The following NUDCD3 variants were observed in gnomAD, a reference collection of about 807,000 sequenced individuals.
The protein encoded by NUDCD3 is NudC domain containing 3.
NUDCD3 carries 13 observed loss-of-function variants against 39.7 expected under a neutral mutation model. The observed-to-expected ratio is 0.33, with a 90% CI of 0.21 to 0.52. NUDCD3 has a LOEUF of 0.52. NUDCD3 is among the 20% of genes least tolerant of loss of function. NUDCD3 has a pLI of 0.96. For synonymous variants in NUDCD3, 175 were observed against 172.4 expected (o/e 1.02, Z -0.12); for missense variants, 453 against 458.1 (o/e 0.99, Z 0.10).
intron 2 of NUDCD3, among the ~76,000 whole-genome samples, chr7:44,462,937 C>T (rs1765343762): frequency 7.0e-6 from 1 of 143,776 alleles, no homozygotes; most frequent in South Asian, 2.3e-4. Context: ...AATCAAGACA[C>T]AACCAGGCTG....
chr7:44,487,883 G>A (rs1800645903), intron 1 of NUDCD3, among the ~76,000 whole-genome samples: 1 of 151,948 alleles, frequency 6.6e-6, no homozygotes, highest in Non-Finnish European at 1.5e-5. Context: ...GAACCTGGGA[G>A]GAGGAGGTGC....
chr7:44,426,770 T>A (rs1585071023), intron 3 of NUDCD3, among the ~76,000 whole-genome samples: 1 of 132,484 alleles, frequency 7.5e-6, no homozygotes. Context: ...CACTCCAGCC[T>A]GGGCGACAGA....
At chr7:44,477,046 G>A (rs181404737) in intron 2 of NUDCD3, among the ~76,000 whole-genome samples, 228 of 152,242 alleles carry the variant, frequency 1.5e-3, no homozygotes, top group African/African-American at 4.9e-3. Context: ...AAGAAGCACC[G>A]AGGTCCCTGT....
intron 3 of NUDCD3, among the ~76,000 whole-genome samples, chr7:44,417,632 AC>A (rs1400167526): frequency 6.6e-6 from 1 of 152,214 alleles, no homozygotes; most frequent in African/African-American, 2.4e-5. Flanking sequence ...TTATTCAACT[AC>A]ATACACGGCA....
rs944497551 is a variant in NUDCD3, at chr7:44,382,689, C to T, written c.*3322G>A. 1.3e-5 allele frequency: 2 copies of T among 152,334 alleles called. No individual in the cohort carries two copies. Among genetic ancestry groups the T allele is most frequent in the Non-Finnish European group, 2.9e-5 (2 of 68,118 alleles). 9.4% of individuals were successfully genotyped at this position (152,334 alleles called of 1,614,324 possible). On this transcript the variant is annotated 3_prime_UTR_variant, in exon 6 of 6. Coordinates refer to ENST00000355451, the MANE Select transcript of NUDCD3 (RefSeq NM_015332.4). ...GAGTTTCTCAAGGACTGGCCAGGTT[C>T]TGTGCTGACAACTTCGTGCTTTTCA...
At chr7:44,473,602 T>C (rs183320919) in intron 2 of NUDCD3, among the ~76,000 whole-genome samples, 1 of 152,162 alleles carries the variant, frequency 6.6e-6, no homozygotes, top group Non-Finnish European at 1.5e-5. Flanking sequence ...CTATATATAG[T>C]AGGGAAAATA....
At chr7:44,445,793 A>G (rs551041883) in intron 2 of NUDCD3, among the ~76,000 whole-genome samples, 1 of 152,360 alleles carries the variant, frequency 6.6e-6, no homozygotes, top group Non-Finnish European at 1.5e-5. Context: ...GTGAAAAACC[A>G]AGGCAAAGAG....
chr7:44,416,907 C>CAT (rs1166805006), intron 3 of NUDCD3, among the ~76,000 whole-genome samples: 1 of 152,150 alleles, frequency 6.6e-6, no homozygotes, highest in Admixed American at 6.5e-5. Context: ...GGGTGCACAG[C>CAT]GACTGCCTGC....
At chr7:44,473,474 T>C (rs1035995155) in intron 2 of NUDCD3, among the ~76,000 whole-genome samples, 2 of 152,114 alleles carry the variant, frequency 1.3e-5, no homozygotes, top group African/African-American at 4.8e-5. Context: ...AGAAGCTACC[T>C]GGCAACAGGA....
intron 2 of NUDCD3, among the ~76,000 whole-genome samples, chr7:44,484,285 G>C (rs1228874599): frequency 6.6e-6 from 1 of 152,150 alleles, no homozygotes; most frequent in Non-Finnish European, 1.5e-5. Context: ...ACTAAGTTTA[G>C]AGCACCCACA....
chr7:44,406,915 G>C (rs1315191056), intron 3 of NUDCD3, among the ~76,000 whole-genome samples: 3 of 152,100 alleles, frequency 2.0e-5, no homozygotes, highest in African/African-American at 7.2e-5. Flanking sequence ...GTTGGGAGTC[G>C]GCAGGTATGC....
chr7:44,434,706 G>C (rs1206286739), intron 2 of NUDCD3, among the ~76,000 whole-genome samples: 2 of 152,188 alleles, frequency 1.3e-5, no homozygotes, highest in Non-Finnish European at 2.9e-5. Flanking sequence ...CTCCAAGCCA[G>C]TCCCCTAGCA....
At chr7:44,437,877 C>A (rs1799495204) in intron 2 of NUDCD3, among the ~76,000 whole-genome samples, 1 of 152,098 alleles carries the variant, frequency 6.6e-6, no homozygotes, top group South Asian at 2.1e-4. Flanking sequence ...CAACAAAAAT[C>A]AGTATATTTA....
chr7:44,443,109 T>C (rs1045334044), intron 2 of NUDCD3, among the ~76,000 whole-genome samples: 2 of 152,216 alleles, frequency 1.3e-5, no homozygotes, highest in Non-Finnish European at 2.9e-5. Context: ...TGTTTACTTA[T>C]GCAACCAAGA....
chr7:44,387,878 T>C (rs951734352), intron 5 of NUDCD3, among the ~76,000 whole-genome samples: 13 of 152,178 alleles, frequency 8.5e-5, no homozygotes, highest in Admixed American at 1.3e-4. Context: ...GCCTATGAGA[T>C]GTCACAATTA....
intron 2 of NUDCD3, among the ~76,000 whole-genome samples, chr7:44,472,325 A>G (rs1218083953): frequency 6.6e-6 from 1 of 152,274 alleles, no homozygotes; most frequent in Non-Finnish European, 1.5e-5. Context: ...AGAAACTATT[A>G]GAAACCAGTA....
At chr7:44,414,916 G>C (rs1317990512) in intron 3 of NUDCD3, among the ~76,000 whole-genome samples, 2 of 152,166 alleles carry the variant, frequency 1.3e-5, no homozygotes, top group Non-Finnish European at 2.9e-5. Context: ...AGTGGCTAAG[G>C]TGGTGTTCCA....
At chr7:44,420,128 G>C (rs1382492793) in intron 3 of NUDCD3, among the ~76,000 whole-genome samples, 2 of 152,068 alleles carry the variant, frequency 1.3e-5, no homozygotes, top group Middle Eastern at 6.8e-3. Flanking sequence ...CTGCTAACTA[G>C]AATAACCAGT....
rs953576943 is a variant in NUDCD3, at chr7:44,412,259, C to G, written c.643-7676G>C. Among the ~76,000 whole-genome samples, 6 of 152,182 alleles carry G rather than the reference C, an allele frequency of 3.9e-5. No homozygotes were observed. The South Asian group carries it at 1.2e-3, about 32-fold the overall frequency. ...TACTGAGCATAATTAAAGTTATATT[C>G]GATGCAAAAACTGGTTTAAAACCCA... On this transcript the variant is annotated intron_variant, in intron 3 of 5. Transcript: ENST00000355451.
Sources: gnomAD v4.1 joint callset for allele counts (sites outside exome capture counted in the v4.1 genomes callset) on GRCh38, gnomAD v4.1.1 for gene constraint, MANE v1.5 for transcripts, NCBI Gene and HGNC (gene_info 2026-07-23, HGNC 2026-07-21) for gene names.